The following CA12 variants were observed in gnomAD, a reference collection of about 807,000 sequenced individuals.
CA12 encodes the protein carbonate dehydratase XII.
CA12 carries 36 observed loss-of-function variants against 46.8 expected under a neutral mutation model. The ratio of observed to expected loss-of-function variants is 0.77; its 90% confidence interval spans 0.59 to 1.02. The LOEUF (loss-of-function observed/expected upper bound fraction) is 1.02. Among genes scored for constraint, CA12 ranks in the 50% least tolerant of loss-of-function variants. CA12 has a pLI of 0.00. For missense variants in CA12, 436 were observed against 451.4 expected (o/e 0.97, Z 0.31); for synonymous variants, 202 against 187.0 (o/e 1.08, Z -0.65).
rs2039176787 is a variant in CA12 at position 63,348,074 on chromosome 15, C to T, written c.107-1365G>A. Among the ~76,000 whole-genome samples the T allele has an allele frequency of 6.6e-6, 1 of 152,174 alleles. No homozygotes were observed. Among genetic ancestry groups the T allele is most frequent in the African/African-American group, 2.4e-5 (1 of 41,432 alleles). On this transcript the variant is annotated intron_variant, in intron 2 of 10. Coordinates refer to ENST00000178638, the MANE Select transcript of CA12 (RefSeq NM_001218.5). This position sits in a 1 kb window ranked among gnomAD's most constrained non-coding sequence, Gnocchi z 4.6. ...TTGGTACCCAGGTTCATTTCAAATG[C>T]TATGAGGCGTTGGTCCCAGGCTTAG...
intron 2 of CA12, chr15:63,375,421 A>G (rs1018326830): frequency 4.2e-6 from 2 of 478,942 alleles, no homozygotes; most frequent in East Asian, 7.3e-5. Flanking sequence ...AAGCCTGGAC[A>G]CTATGACTCA....
intron 1 of CA12, among the ~76,000 whole-genome samples, chr15:63,376,562 CT>C (rs1185054951): frequency 6.7e-5 from 7 of 104,274 alleles, no homozygotes; most frequent in African/African-American, 2.0e-4. Flanking sequence ...TCTTTCCTTT[CT>C]TTCTTTCTTT....
intron 1 of CA12, among the ~76,000 whole-genome samples, chr15:63,377,525 TG>T (rs1216894829): frequency 6.6e-6 from 1 of 152,234 alleles, no homozygotes; most frequent in East Asian, 1.9e-4. Context: ...TTTGTTATTC[TG>T]TTCCATTTCT....
At position 63,355,542 on chromosome 15, in the gene CA12, C is replaced by T. The variant is rs2039284138; in HGVS notation, c.107-8833G>A. Reference sequence around the variant, plus strand: ...GGCTGCCAGGCGATGCTGCTGCGGGCTGAGGCTGAGAAGCGCTGCACTAGA... The same window carrying T: ...GGCTGCCAGGCGATGCTGCTGCGGGTTGAGGCTGAGAAGCGCTGCACTAGA... On this transcript the variant is annotated intron_variant, in intron 2 of 10. Transcript: ENST00000178638. This position sits in a 1 kb window ranked among gnomAD's most constrained non-coding sequence, Gnocchi z 4.1. 6.6e-6 allele frequency among the ~76,000 whole-genome samples: 1 copy of T among 152,234 alleles called. No homozygotes were observed. The highest frequency in any genetic ancestry group is 1.5e-5 in the Non-Finnish European group (1 of 68,044).
In CA12 at chr15:63,339,530, G is replaced by C. The variant is rs1394444244; in HGVS notation, c.748-585C>G. Among the ~76,000 whole-genome samples, 1 of 152,126 alleles carries C rather than the reference G, an allele frequency of 6.6e-6. No homozygotes were observed. On this transcript the variant is annotated intron_variant, in intron 7 of 10. Transcript: ENST00000178638. The surrounding 1 kb of genome is among the most constrained non-coding windows in gnomAD (Gnocchi z 4.3). ...CTTGGTTCATCATGTCCTCATTCCT[G>C]TCCACCCACCTGCTGCCATTTACCA... is the stretch of plus-strand genomic sequence containing the variant.
intron 2 of CA12, among the ~76,000 whole-genome samples, chr15:63,370,488 C>T (rs1026096984): frequency 2.7e-5 from 4 of 146,128 alleles, no homozygotes; most frequent in African/African-American, 5.1e-5. Context: ...AAAAGCATAT[C>T]TGGGCGGGGC....
chr15:63,375,423 T>C, intron 2 of CA12: 1 of 489,142 alleles, frequency 2.0e-6, no homozygotes, highest in Non-Finnish European at 3.7e-6. Flanking sequence ...GCCTGGACAC[T>C]ATGACTCACA....
In CA12 at chr15:63,355,203, A is replaced by G. The variant is rs528131716; in HGVS notation, c.107-8494T>C. On this transcript the variant is annotated intron_variant, in intron 2 of 10. Transcript: ENST00000178638. This position sits in a 1 kb window ranked among gnomAD's most constrained non-coding sequence, Gnocchi z 4.1. The stretch of plus-strand genomic sequence containing the variant: ...GTTCCAGCAGCGCTGAGCTGCTTGC[A>G]TCCTGCAGACACACCAAGCTGCTTC... 3.3e-5 allele frequency among the ~76,000 whole-genome samples: 5 copies of G among 152,032 alleles called. No homozygotes were observed. Among genetic ancestry groups the G allele is most frequent in the African/African-American group, 9.6e-5 (4 of 41,472 alleles).
rs1328894806 is a variant in CA12 at position 63,321,470 on chromosome 15, G to C, written c.*4815C>G. 1 of 152,270 alleles carries C rather than the reference G, an allele frequency of 6.6e-6. No homozygotes were observed. Among genetic ancestry groups the C allele is most frequent in the African/African-American group, 2.4e-5 (1 of 41,462 alleles). The allele number at this position is 152,270 out of a possible 1,614,324, so 9.4% of individuals were successfully genotyped here. A position where few individuals can be genotyped will look rare whatever the true frequency, so the allele number is the denominator to read the frequency against. ...CAGTCATTCTATAATGAAGAGGCAC[G>C]GGGTGGAGCCCGGGGACACCCTCGG... On this transcript the variant is annotated 3_prime_UTR_variant, in exon 11 of 11. Transcript: ENST00000178638. The surrounding 1 kb of genome is among the most constrained non-coding windows in gnomAD (Gnocchi z 4.5).
intron 4 of CA12, 128 bp from the exon 5 acceptor site, chr15:63,342,225 G>T (rs1177423618): frequency 4.2e-6 from 3 of 706,434 alleles, no homozygotes; most frequent in East Asian, 2.7e-5. Flanking sequence ...ACTAGGTTAG[G>T]TCTCTCAGAC....
At position 63,343,279 on chromosome 15, in the gene CA12, CTTTTTT is replaced by C. The variant is rs35290345; in HGVS notation, c.430-1188_430-1183del. Among the ~76,000 whole-genome samples the C allele has an allele frequency of 2.4e-3, 240 of 98,780 alleles. 2 individuals are homozygous for C. The South Asian group carries it at 0.061, about 25-fold the overall frequency. The allele number at this position is 98,780 out of a possible 152,430, so 64.8% of individuals were successfully genotyped here. On this transcript the variant is annotated intron_variant, in intron 4 of 10. Transcript: ENST00000178638. The stretch of plus-strand genomic sequence containing the variant: ...TTGAGGAGATTAAGATAGAAAGAAT[CTTTTTT>C]TTTTTTTTTTTTTTTAATGGAGTTT...
chr15:63,358,522 G>A (rs1055468587), intron 2 of CA12, among the ~76,000 whole-genome samples: 1 of 152,184 alleles, frequency 6.6e-6, no homozygotes, highest in South Asian at 2.1e-4. Context: ...CACTGGTACA[G>A]CTGTCTCCCC....
At chr15:63,359,729 A>G (rs2039337215) in intron 2 of CA12, among the ~76,000 whole-genome samples, 1 of 152,218 alleles carries the variant, frequency 6.6e-6, no homozygotes, top group Admixed American at 6.5e-5. Context: ...ATCCTGGATC[A>G]GAAAAAAAAT....
In CA12 at chr15:63,326,151, G is replaced by T; in HGVS notation, c.*134C>A. The T allele has an allele frequency of 2.7e-6, 2 of 742,384 alleles. No homozygotes were observed. Among genetic ancestry groups the T allele is most frequent in the Middle Eastern group, 3.6e-4 (1 of 2,770 alleles). 46.0% of individuals were successfully genotyped at this position (742,384 alleles called of 1,614,324 possible). A position where few individuals can be genotyped will look rare whatever the true frequency, so the allele number is the denominator to read the frequency against. ...CAAGGCAAGGAGGCACCCAGCAGAG[G>T]ATCCCTGAGGCCTGGCATGTTTGCA... On this transcript the variant is annotated 3_prime_UTR_variant, in exon 11 of 11. Transcript: ENST00000178638.
At chr15:63,377,826 T>C (rs2039596248) in intron 1 of CA12, among the ~76,000 whole-genome samples, 1 of 152,234 alleles carries the variant, frequency 6.6e-6, no homozygotes, top group South Asian at 2.1e-4. Flanking sequence ...CATCCCACCC[T>C]GGAAGAGAAG....
intron 2 of CA12, among the ~76,000 whole-genome samples, chr15:63,351,769 T>A (rs1331621078): frequency 6.6e-6 from 1 of 152,212 alleles, no homozygotes; most frequent in Non-Finnish European, 1.5e-5. Context: ...ACTCGGGTTG[T>A]GCACACTAGC....
At position 63,345,004 on chromosome 15, in the gene CA12, G is replaced by A. The variant is rs2152617646; in HGVS notation, c.429+473C>T. Among the ~76,000 whole-genome samples, 1 of 152,280 alleles carries A rather than the reference G, an allele frequency of 6.6e-6. No homozygotes were observed. Among genetic ancestry groups the A allele is most frequent in the Non-Finnish European group, 1.5e-5 (1 of 68,030 alleles). ...GTGGCCAGGTAGAAGGGTGGCCCTA[G>A]ACCCATGTCCCCATGTTCTAAACAC... On this transcript the variant is annotated intron_variant, in intron 4 of 10. Transcript: ENST00000178638. The surrounding 1 kb of genome is among the most constrained non-coding windows in gnomAD (Gnocchi z 4.3).
At chr15:63,351,294 T>C (rs1048768895) in intron 2 of CA12, among the ~76,000 whole-genome samples, 6 of 152,218 alleles carry the variant, frequency 3.9e-5, no homozygotes, top group African/African-American at 1.4e-4. Context: ...CATGTCACAC[T>C]GCAAAGGCTT....
At chr15:63,343,398 C>T (rs2039107285) in intron 4 of CA12, among the ~76,000 whole-genome samples, 1 of 150,836 alleles carries the variant, frequency 6.6e-6, no homozygotes, top group Non-Finnish European at 1.5e-5. Flanking sequence ...TCCCCTGCCT[C>T]AGCCTCCCGA....
Sources: gnomAD v4.1 joint callset for allele counts (sites outside exome capture counted in the v4.1 genomes callset) on GRCh38, gnomAD v4.1.1 for gene constraint, Gnocchi (gnomAD v3.1) non-coding constraint, MANE v1.5 for transcripts, NCBI Gene and HGNC (gene_info 2026-07-23, HGNC 2026-07-21) for gene names.